DLST: variants seen among roughly 807,000 people sequenced by gnomAD.
The protein encoded by DLST is dihydrolipoyllysine-residue succinyltransferase component of 2-oxoglutarate dehydrogenase complex, mitochondrial.
DLST carries 17 observed loss-of-function variants against 53.1 expected under a neutral mutation model. The observed-to-expected ratio is 0.32, with a 90% CI of 0.22 to 0.48. The LOEUF (loss-of-function observed/expected upper bound fraction) is 0.48. Among genes scored for constraint, DLST ranks in the 20% least tolerant of loss-of-function variants. DLST has a pLI of 0.99. For missense variants in DLST, 512 were observed against 583.9 expected, an observed-to-expected ratio of 0.88 and a Z score of 1.27; for synonymous variants, 206 against 204.8, an observed-to-expected ratio of 1.01 and a Z score of -0.05.
chr14:74,886,949 G>C (rs1371522235), intron 3 of DLST, among the ~76,000 whole-genome samples: 1 of 151,872 alleles, frequency 6.6e-6, no homozygotes, highest in Non-Finnish European at 1.5e-5. Flanking sequence ...TTGTTGGCCA[G>C]GCTGGTCTCT....
rs28364622 is a variant in DLST at position 74,881,943 on chromosome 14, C to G, written c.-11C>G. 107 of 1,545,184 alleles carry G rather than the reference C, an allele frequency of 6.9e-5. No individual in the cohort carries two copies. The highest frequency in any genetic ancestry group is 8.7e-5 in the Non-Finnish European group (100 of 1,152,456). On this transcript the variant is annotated 5_prime_UTR_variant, in exon 1 of 15. Transcript: ENST00000334220. ...ATCCGGTGTCCGCCCGCCCTCGGCT[C>G]CTCCGCCGTGATGCTGTCCCGATCC...
intron 5 of DLST, 184 bp downstream of exon 5, chr14:74,889,533 T>C (rs1883828087): frequency 3.4e-6 from 2 of 585,176 alleles, no homozygotes; most frequent in South Asian, 2.2e-5. Context: ...CATGCCTGGC[T>C]AAGTTTTTTG....
chr14:74,903,004 C>G lies in DLST; in HGVS notation c.*674C>G, dbSNP rs1381262926. On this transcript the variant is annotated 3_prime_UTR_variant, in exon 15 of 15. Coordinates refer to ENST00000334220, the MANE Select transcript of DLST (RefSeq NM_001933.5). ...TTGTAATCATCATAGAAGGAGAGCCCAGGCCTGCCCTCACGCTCTCCATCA... is the reference window on the plus strand; with the variant it reads ...TTGTAATCATCATAGAAGGAGAGCCGAGGCCTGCCCTCACGCTCTCCATCA... The G allele has an allele frequency of 3.9e-5, 6 of 152,630 alleles. No homozygotes were observed. The highest frequency in any genetic ancestry group is 7.2e-5 in the African/African-American group (3 of 41,458). 9.5% of individuals were successfully genotyped at this position (152,630 alleles called of 1,614,324 possible).
In DLST at chr14:74,882,592, G is replaced by A; in HGVS notation, c.65G>A (p.Gly22Glu). The change falls in exon 2 of 15, where the codon GGG becomes GAG. Residue 22 changes from glycine (G) to glutamate (E), a missense_variant and splice_region_variant. Coordinates refer to ENST00000334220, the MANE Select transcript of DLST (RefSeq NM_001933.5). Reference sequence around the variant, plus strand: ...CGATAATGTCTTCTTTCTCAACAGGGGAACTGCCCTCTAGGGAGACGTTCC... The same window carrying A: ...CGATAATGTCTTCTTTCTCAACAGGAGAACTGCCCTCTAGGGAGACGTTCC... ...FSRSLSAFQK[G>E]NCPLGRRSLP... 3.1e-6 allele frequency: 5 copies of A among 1,613,794 alleles called. No individual in the cohort carries two copies. Among genetic ancestry groups the A allele is most frequent in the South Asian group, 1.1e-5 (1 of 91,058 alleles).
At chr14:74,891,665 G>T (rs915059783) in intron 7 of DLST, 1 of 984,496 alleles carries the variant, frequency 1.0e-6, no homozygotes, top group African/African-American at 1.7e-5. Flanking sequence ...AAACGAATTT[G>T]TACTGGACCT....
chr14:74,901,733 A>G (rs1173420745), intron 14 of DLST, among the ~76,000 whole-genome samples: 2 of 152,174 alleles, frequency 1.3e-5, no homozygotes, highest in Non-Finnish European at 2.9e-5. Flanking sequence ...TGTGTTTAGA[A>G]TCCTTTTGGG....
intron 8 of DLST, 127 bp from the exon 9 acceptor site, chr14:74,893,221 G>C (rs561695212): frequency 8.8e-7 from 1 of 1,141,876 alleles, no homozygotes; most frequent in African/African-American, 1.5e-5. Context: ...CTGTGAAGTT[G>C]GAGTGATACT....
At chr14:74,893,012 T>C (rs1471137051) in intron 8 of DLST, 26 bp downstream of exon 8, 2 of 1,602,976 alleles carry the variant, frequency 1.2e-6, no homozygotes, top group African/African-American at 1.3e-5. Context: ...CCACATGTCA[T>C]GTGGGAGAAC....
chr14:74,896,379 A>C (rs1261233031), intron 10 of DLST, among the ~76,000 whole-genome samples: 1 of 152,186 alleles, frequency 6.6e-6, no homozygotes, highest in Non-Finnish European at 1.5e-5. Context: ...CCAGGGTAGG[A>C]GTTTATATTT....
At chr14:74,888,050 ACAT>A (rs1395481329) in intron 3 of DLST, among the ~76,000 whole-genome samples, 1 of 152,206 alleles carries the variant, frequency 6.6e-6, no homozygotes, top group Non-Finnish European at 1.5e-5. Flanking sequence ...ATATATGTCT[ACAT>A]CTCTCACCCC....
intron 13 of DLST, among the ~76,000 whole-genome samples, chr14:74,900,655 T>G (rs1884215778): frequency 6.6e-6 from 1 of 152,242 alleles, no homozygotes; most frequent in Admixed American, 6.5e-5. Flanking sequence ...ATAGACACCT[T>G]AGCCGAACAA....
At chr14:74,893,555 G>T in intron 9 of DLST, 131 bp downstream of exon 9, 1 of 929,168 alleles carries the variant, frequency 1.1e-6, no homozygotes. Context: ...AGGGAGTTTA[G>T]GATATAACTT....
chr14:74,894,220 A>T (rs1884001151), intron 9 of DLST, 92 bp from the exon 10 acceptor site: 1 of 1,480,366 alleles, frequency 6.8e-7, no homozygotes, highest in South Asian at 1.2e-5. Context: ...TTGGCCATCT[A>T]CTCGTGGCAA....
rs1021428720 is a variant in DLST at position 74,889,956 on chromosome 14, G to A, written c.330+4G>A. On this transcript the variant is annotated splice_donor_region_variant and intron_variant, in intron 6 of 14. Transcript: ENST00000334220. ...TTGTGAGATTGAAACTGACAAGGTA[G>A]GCTTATCTTATATTCGTACCAGCTT... The A allele has an allele frequency of 8.7e-6, 14 of 1,613,044 alleles. No homozygotes were observed. The highest frequency in any genetic ancestry group is 1.2e-5 in the Non-Finnish European group (14 of 1,179,558).
chr14:74,884,027 A>T (rs1262426581), intron 2 of DLST, among the ~76,000 whole-genome samples: 1 of 152,216 alleles, frequency 6.6e-6, no homozygotes, highest in Non-Finnish European at 1.5e-5. Context: ...GGGTGGGATG[A>T]TGTAGACCAG....
chr14:74,894,415 G>A lies in DLST; in HGVS notation c.770+6G>A, dbSNP rs1189943825. 6.2e-7 allele frequency: 1 copy of A among 1,613,870 alleles called. No homozygotes were observed. On this transcript the variant is annotated splice_donor_region_variant and intron_variant, in intron 10 of 14. Coordinates refer to ENST00000334220, the MANE Select transcript of DLST (RefSeq NM_001933.5). ...TTTAATGAGATTGACATGAGGTAGT[G>A]TCTCTAGTCCCTCTTATCCCCTAGG... is the stretch of plus-strand genomic sequence containing the variant.
rs1418379283 is a variant in DLST at position 74,893,416 on chromosome 14, G to A, written c.664G>A (p.Glu222Lys). 2.5e-6 allele frequency: 4 copies of A among 1,614,228 alleles called. No individual in the cohort carries two copies. The highest frequency in any genetic ancestry group is 3.4e-6 in the Non-Finnish European group (4 of 1,180,044). ...AGGAGCTGGCAAAGGTCTGCGTTCA[G>A]AACATCGGGTAAGCCTCTGAGGACC... ...EPGAGKGLRS[E>K]HREKMNRMRQ... Residue 222 changes from glutamate to lysine, a missense_variant, in exon 9 of 15, where the codon GAA (glutamate) becomes AAA (lysine). Glu to Lys is a moderately conservative substitution (Grantham distance 56, BLOSUM62 1). Around this residue, in one of 4 missense-constraint regions of DLST, gnomAD observed 162 missense variants for 162.0 expected, o/e 1.00. Transcript: ENST00000334220.
chr14:74,886,382 G>C (rs749423209), intron 3 of DLST, among the ~76,000 whole-genome samples: 1 of 152,118 alleles, frequency 6.6e-6, no homozygotes, highest in African/African-American at 2.4e-5. Context: ...GCTGGAGTGC[G>C]GTAGCCTGAT....
intron 3 of DLST, chr14:74,885,840 G>T (rs1221801470): frequency 1.9e-6 from 1 of 536,172 alleles, no homozygotes. Flanking sequence ...TTTGGACTGG[G>T]AGTGTGCCCA....
Sources: allele counts gnomAD v4.1 joint callset (sites outside exome capture counted in the v4.1 genomes callset), GRCh38; gene constraint gnomAD v4.1.1; regional missense constraint gnomAD v4.1.1; transcripts MANE v1.5; gene names NCBI Gene and HGNC (gene_info 2026-07-23, HGNC 2026-07-21).